The following KSR2 variants were observed in gnomAD, a reference collection of about 807,000 sequenced individuals.
KSR2 encodes the protein kinase suppressor of ras 2.
Under a neutral mutation model 107.8 loss-of-function variants are expected in KSR2, and 25 were observed. The observed-to-expected ratio is 0.23, with a 90% CI of 0.17 to 0.32. KSR2 has a LOEUF of 0.32. KSR2 is among the 10% of genes least tolerant of loss of function. The pLI, the probability that KSR2 is intolerant of heterozygous loss-of-function variation, is 1.00. For missense variants in KSR2, 887 were observed against 1,268.9 expected, an observed-to-expected ratio of 0.70 and a Z score of 4.57; for synonymous variants, 480 against 507.0, an observed-to-expected ratio of 0.95 and a Z score of 0.71.
At chr12:117,701,019 C>A (rs1315315212) in intron 4 of KSR2, among the ~76,000 whole-genome samples, 1 of 152,362 alleles carries the variant, frequency 6.6e-6, no homozygotes, top group East Asian at 1.9e-4. Flanking sequence ...AACCAACTAA[C>A]CTTTTAGCTC....
chr12:117,786,974 A>G (rs948463565), intron 3 of KSR2, among the ~76,000 whole-genome samples: 1 of 151,896 alleles, frequency 6.6e-6, no homozygotes, highest in African/African-American at 2.4e-5. Context: ...GGTTGCCGTG[A>G]GCCAAGATCA....
chr12:117,562,786 G>A (rs1017950565), intron 7 of KSR2, among the ~76,000 whole-genome samples: 20 of 152,190 alleles, frequency 1.3e-4, no homozygotes, highest in Non-Finnish European at 2.5e-4. Context: ...GTGGGAGACC[G>A]AACACTCTTC....
chr12:117,467,652 T>C (rs1238189717), intron 19 of KSR2, among the ~76,000 whole-genome samples: 1 of 152,090 alleles, frequency 6.6e-6, no homozygotes, highest in Non-Finnish European at 1.5e-5. Flanking sequence ...TAAAGCTCTG[T>C]AACAGCTAGA....
At chr12:117,736,146 G>C (rs1334023401) in intron 4 of KSR2, among the ~76,000 whole-genome samples, 2 of 152,134 alleles carry the variant, frequency 1.3e-5, no homozygotes, top group African/African-American at 2.4e-5. Context: ...CATTTCTCTA[G>C]GCCCAGCCAA....
chr12:117,619,790 G>A (rs1180432978), intron 5 of KSR2, among the ~76,000 whole-genome samples: 2 of 151,788 alleles, frequency 1.3e-5, no homozygotes, highest in Non-Finnish European at 2.9e-5. Context: ...TATAAAGACA[G>A]CTTTATTGAA....
intron 3 of KSR2, among the ~76,000 whole-genome samples, chr12:117,824,263 G>A (rs1315594786): frequency 6.6e-6 from 1 of 151,954 alleles, no homozygotes; most frequent in African/African-American, 2.4e-5. Context: ...GCAGGGGGAG[G>A]GGGAGGGGGT....
In KSR2 at chr12:117,898,445, G is replaced by A. The variant is rs568937899; in HGVS notation, c.181-38014C>T. On this transcript the variant is annotated intron_variant, in intron 1 of 19. Transcript: ENST00000339824. Reference sequence around the variant, plus strand: ...AGCAATTTTCCTGCCTCAGCCTCCCGAGTAGTTGGGATTACAGGCACCTGC... The same window carrying A: ...AGCAATTTTCCTGCCTCAGCCTCCCAAGTAGTTGGGATTACAGGCACCTGC... Among the ~76,000 whole-genome samples, 7 of 151,184 alleles carry A rather than the reference G, an allele frequency of 4.6e-5. No homozygotes were observed. The East Asian group carries it at 5.8e-4, about 13-fold the overall frequency.
At chr12:117,711,386 A>G (rs1886772760) in intron 4 of KSR2, among the ~76,000 whole-genome samples, 1 of 152,226 alleles carries the variant, frequency 6.6e-6, no homozygotes, top group Admixed American at 6.5e-5. Flanking sequence ...GGCAGGAAGC[A>G]CTTGCAGGCT....
chr12:117,541,741 G>A (rs1876504846), intron 9 of KSR2, among the ~76,000 whole-genome samples: 1 of 152,064 alleles, frequency 6.6e-6, no homozygotes, highest in African/African-American at 2.4e-5. Context: ...GAGGGGAAAT[G>A]GACATTCTCT....
chr12:117,678,540 A>T (rs1451843442), intron 4 of KSR2, among the ~76,000 whole-genome samples: 4 of 152,220 alleles, frequency 2.6e-5, no homozygotes, highest in Non-Finnish European at 5.9e-5. Context: ...GTTTTCCTCC[A>T]GGTACAAAAC....
chr12:117,526,972 C>A, intron 13 of KSR2, 99 bp downstream of exon 13: 1 of 952,058 alleles, frequency 1.1e-6, no homozygotes, highest in South Asian at 1.4e-5. Flanking sequence ...CAGCCCCCAC[C>A]TGACCCCAAG....
chr12:117,910,296 C>T (rs759057957), intron 1 of KSR2, among the ~76,000 whole-genome samples: 1 of 152,216 alleles, frequency 6.6e-6, no homozygotes, highest in Admixed American at 6.5e-5. Context: ...AGATCCTTAA[C>T]GACTTCCTAA....
At chr12:117,663,831 C>T (rs1285884218) in intron 5 of KSR2, among the ~76,000 whole-genome samples, 1 of 152,116 alleles carries the variant, frequency 6.6e-6, no homozygotes, top group Non-Finnish European at 1.5e-5. Flanking sequence ...TCAGAGATAG[C>T]CTACAAGGAG....
At chr12:117,766,898 T>G (rs1593215667) in intron 3 of KSR2, among the ~76,000 whole-genome samples, 4 of 143,912 alleles carry the variant, frequency 2.8e-5, no homozygotes, top group Admixed American at 6.8e-5. Context: ...GGGGGCGGGG[T>G]GGTGAGACAG....
chr12:117,917,765 T>G (rs1432795586), intron 1 of KSR2, among the ~76,000 whole-genome samples: 1 of 152,164 alleles, frequency 6.6e-6, no homozygotes. Context: ...GAAGCCTTAC[T>G]GTACATGGCC....
chr12:117,650,633 T>A (rs970635464), intron 5 of KSR2, among the ~76,000 whole-genome samples: 2 of 152,196 alleles, frequency 1.3e-5, no homozygotes, highest in Admixed American at 1.3e-4. Flanking sequence ...TTATGCAAAA[T>A]AAATGCATTT....
chr12:117,680,081 C>G (rs1593123512), intron 4 of KSR2, among the ~76,000 whole-genome samples: 1 of 152,184 alleles, frequency 6.6e-6, no homozygotes, highest in South Asian at 2.1e-4. Context: ...AGAGAGCCTG[C>G]TTTAAGGGTC....
chr12:117,740,191 A>G (rs1888120604), intron 4 of KSR2, among the ~76,000 whole-genome samples: 1 of 150,256 alleles, frequency 6.7e-6, no homozygotes, highest in Non-Finnish European at 1.5e-5. Flanking sequence ...TTGGTTTTCC[A>G]TTCCTGAGTT....
chr12:117,581,282 AT>A (rs1359506488), intron 6 of KSR2, among the ~76,000 whole-genome samples: 1 of 152,050 alleles, frequency 6.6e-6, no homozygotes, highest in African/African-American at 2.4e-5. Flanking sequence ...CGATCTCTCC[AT>A]ACTGTCATGG....
Sources: allele counts gnomAD v4.1 joint callset (sites outside exome capture counted in the v4.1 genomes callset), GRCh38; gene constraint gnomAD v4.1.1; transcripts MANE v1.5; gene names NCBI Gene and HGNC (gene_info 2026-07-23, HGNC 2026-07-21).